FSTL5: variants seen among roughly 807,000 people sequenced by gnomAD.
The protein encoded by FSTL5 is follistatin-related protein 5.
In FSTL5, 62 loss-of-function variants were observed where a neutral mutation model predicts 89.1. The ratio of observed to expected loss-of-function variants is 0.70; its 90% confidence interval spans 0.57 to 0.86. The LOEUF is 0.86. FSTL5 is among the 40% of genes least tolerant of loss of function. FSTL5 has a pLI of 0.00. For synonymous variants in FSTL5, 383 were observed against 346.2 expected (o/e 1.11, Z -1.18); for missense variants, 1,057 against 1,001.6 (o/e 1.06, Z -0.75).
At chr4:161,427,917 A>G (rs764913730) in intron 15 of FSTL5, among the ~76,000 whole-genome samples, 3 of 152,150 alleles carry the variant, frequency 2.0e-5, no homozygotes, top group Non-Finnish European at 4.4e-5. Flanking sequence ...TTAAAAGTCA[A>G]AAATCAGATG....
chr4:161,754,145 G>T (rs1386100117), intron 6 of FSTL5, among the ~76,000 whole-genome samples: 1 of 146,396 alleles, frequency 6.8e-6, no homozygotes, highest in Non-Finnish European at 1.5e-5. Flanking sequence ...TAATATTTTA[G>T]AATTTTAGAA....
chr4:161,637,468 TG>T (rs1578985503), intron 7 of FSTL5, among the ~76,000 whole-genome samples: 1 of 151,788 alleles, frequency 6.6e-6, no homozygotes, highest in East Asian at 1.9e-4. Flanking sequence ...TTTAGTTTAA[TG>T]AGATCTCATT....
At chr4:161,739,245 G>A (rs148115303) in intron 6 of FSTL5, among the ~76,000 whole-genome samples, 20 of 152,214 alleles carry the variant, frequency 1.3e-4, no homozygotes, top group East Asian at 5.8e-4. Flanking sequence ...TAATAAAAAC[G>A]GGAAATTTGG....
At chr4:161,645,224 G>A (rs1560767524) in intron 7 of FSTL5, among the ~76,000 whole-genome samples, 1 of 151,678 alleles carries the variant, frequency 6.6e-6, no homozygotes, top group East Asian at 1.9e-4. Flanking sequence ...AATATGAATA[G>A]ATATTTAGCC....
intron 1 of FSTL5, among the ~76,000 whole-genome samples, chr4:162,118,341 A>G (rs899110158): frequency 2.0e-5 from 3 of 152,088 alleles, no homozygotes; most frequent in Non-Finnish European, 4.4e-5. Context: ...GCTCACTGCA[A>G]GCTCCGCCTT....
chr4:161,930,119 A>T (rs187477739), intron 3 of FSTL5, among the ~76,000 whole-genome samples: 9 of 151,952 alleles, frequency 5.9e-5, no homozygotes, highest in Non-Finnish European at 4.4e-5. Context: ...TTAGTGCTTA[A>T]CAAAAGGCAC....
chr4:161,974,171 T>G (rs2111023307), intron 3 of FSTL5, among the ~76,000 whole-genome samples: 1 of 152,220 alleles, frequency 6.6e-6, no homozygotes, highest in East Asian at 1.9e-4. Flanking sequence ...ATCGTGAAAA[T>G]GGCCATACTG....
chr4:161,796,790 G>T (rs946763676), intron 4 of FSTL5, among the ~76,000 whole-genome samples: 2 of 151,440 alleles, frequency 1.3e-5, no homozygotes, highest in Non-Finnish European at 3.0e-5. Flanking sequence ...TTTAAGAAGT[G>T]TACTTAAAAT....
At position 161,594,806 on chromosome 4, in the gene FSTL5, T is replaced by A. The variant is rs181586773; in HGVS notation, c.895-7231A>T. On this transcript the variant is annotated intron_variant, in intron 7 of 15. Coordinates refer to ENST00000306100, the MANE Select transcript of FSTL5 (RefSeq NM_020116.5). Reference sequence around the variant, plus strand: ...TTTAAAATAAAACAGCATATTTCAGTATATTTAAAATAAATAATAAATATT... The same window carrying A: ...TTTAAAATAAAACAGCATATTTCAGAATATTTAAAATAAATAATAAATATT... Among the ~76,000 whole-genome samples, 10 of 152,060 alleles carry A rather than the reference T, an allele frequency of 6.6e-5. No individual in the cohort carries two copies. In the East Asian group the frequency reaches 1.9e-3, roughly 29 times the overall value.
At chr4:162,141,278 G>A (rs1432719693) in intron 1 of FSTL5, among the ~76,000 whole-genome samples, 1 of 91,808 alleles carries the variant, frequency 1.1e-5, no homozygotes, top group African/African-American at 3.6e-5. Context: ...CACCATGCCC[G>A]GCTAATTTTT....
chr4:162,073,390 A>G (rs543570014), intron 2 of FSTL5, among the ~76,000 whole-genome samples: 1 of 151,858 alleles, frequency 6.6e-6, no homozygotes, highest in South Asian at 2.1e-4. Flanking sequence ...TATCTGATTG[A>G]TAAATTGAAA....
chr4:161,824,672 C>T (rs1054229845), intron 4 of FSTL5, among the ~76,000 whole-genome samples: 1 of 151,940 alleles, frequency 6.6e-6, no homozygotes, highest in African/African-American at 2.4e-5. Flanking sequence ...AGGTATATTC[C>T]TAATTAGTTT....
chr4:161,442,195 A>T lies in FSTL5; in HGVS notation c.1841+12809T>A, dbSNP rs1284535709. ...TCAGCAGAGGCCAAAAACCACCTTC[A>T]GTTTGGTGCCTCCTAATTCACCGTT... On this transcript the variant is annotated intron_variant, in intron 15 of 15. Transcript: ENST00000306100. Among the ~76,000 whole-genome samples, 3 of 146,114 alleles carry T rather than the reference A, an allele frequency of 2.1e-5. No homozygotes were observed. In the Admixed American group the frequency reaches 2.1e-4, roughly 10 times the overall value.
chr4:161,657,798 G>A lies in FSTL5; in HGVS notation c.728-1304C>T, dbSNP rs184464635. Among the ~76,000 whole-genome samples, 915 of 152,276 alleles carry A rather than the reference G, an allele frequency of 6.0e-3. 9 individuals carry two copies. Among genetic ancestry groups the A allele is most frequent in the South Asian group, 0.045 (219 of 4,822 alleles). Reference sequence around the variant, plus strand: ...AACATATAATTCAACACACACACACGTTAAATGTTGAGTGATCTGTGGTGT... The same window carrying A: ...AACATATAATTCAACACACACACACATTAAATGTTGAGTGATCTGTGGTGT... On this transcript the variant is annotated intron_variant, in intron 6 of 15. Coordinates refer to ENST00000306100, the MANE Select transcript of FSTL5 (RefSeq NM_020116.5).
chr4:162,117,925 T>A (rs1467404632), intron 1 of FSTL5, among the ~76,000 whole-genome samples: 1 of 152,242 alleles, frequency 6.6e-6, no homozygotes, highest in African/African-American at 2.4e-5. Flanking sequence ...TTATTCTTTA[T>A]GGAATTGAAA....
chr4:161,836,114 C>T (rs191532537), intron 4 of FSTL5, among the ~76,000 whole-genome samples: 7,142 of 151,994 alleles, frequency 0.047, 213 homozygotes, highest in Non-Finnish European at 0.07. Context: ...CCATGGAATA[C>T]TATGCAGCCA....
intron 9 of FSTL5, 26 bp downstream of exon 9, chr4:161,542,506 G>T: frequency 7.4e-7 from 1 of 1,352,444 alleles, no homozygotes; most frequent in Non-Finnish European, 9.7e-7. Flanking sequence ...GGTCATTTAA[G>T]AGAAAAAAAA....
At chr4:161,832,061 G>T (rs1730862756) in intron 4 of FSTL5, among the ~76,000 whole-genome samples, 2 of 151,990 alleles carry the variant, frequency 1.3e-5, no homozygotes, top group Admixed American at 6.6e-5. Context: ...TTAAAAGAAG[G>T]TTATGGAAAA....
chr4:161,923,584 A>G (rs1242532766), intron 3 of FSTL5, among the ~76,000 whole-genome samples: 1 of 151,822 alleles, frequency 6.6e-6, no homozygotes, highest in Non-Finnish European at 1.5e-5. Flanking sequence ...AGATTTTTCA[A>G]GAGAGTGTTT....
Sources: allele counts gnomAD v4.1 joint callset (sites outside exome capture counted in the v4.1 genomes callset), GRCh38; gene constraint gnomAD v4.1.1; transcripts MANE v1.5; gene names NCBI Gene and HGNC (gene_info 2026-07-23, HGNC 2026-07-21).